RBM20: variants seen among roughly 807,000 people sequenced by gnomAD.
RBM20 encodes the protein RNA binding motif protein 20, also known as RNA-binding protein 20.
In RBM20, 51 loss-of-function variants were observed where a neutral mutation model predicts 110.1. That is an observed-to-expected ratio of 0.46 (90% CI 0.37 to 0.59). The LOEUF (loss-of-function observed/expected upper bound fraction) is 0.59. Among genes scored for constraint, RBM20 ranks in the 20% least tolerant of loss-of-function variants. RBM20 has a pLI of 0.00. For missense variants in RBM20, 1,512 were observed against 1,574.9 expected (o/e 0.96, Z 0.68); for synonymous variants, 589 against 618.2 (o/e 0.95, Z 0.70).
rs79948769 is a variant in RBM20 at position 110,798,850 on chromosome 10, A to G, written c.1669-937A>G. 4.7e-3 allele frequency among the ~76,000 whole-genome samples: 719 copies of G among 152,312 alleles called. 4 individuals are homozygous for G. Among genetic ancestry groups the G allele is most frequent in the African/African-American group, 0.017 (691 of 41,554 alleles). On this transcript the variant is annotated intron_variant, in intron 6 of 13. Transcript: ENST00000369519. ...GAGGAATCAGGATCAGTATATTGTC[A>G]GTATAGTACAAACCAAACAAATCCA...
intron 7 of RBM20, among the ~76,000 whole-genome samples, chr10:110,801,451 T>C (rs997807124): frequency 2.0e-5 from 3 of 152,002 alleles, no homozygotes; most frequent in African/African-American, 4.8e-5. Flanking sequence ...AAGTTTTCAA[T>C]GGTCCACATT....
At chr10:110,710,555 C>A (rs1862910205) in intron 1 of RBM20, among the ~76,000 whole-genome samples, 1 of 152,236 alleles carries the variant, frequency 6.6e-6, no homozygotes, top group Non-Finnish European at 1.5e-5. Context: ...AGTTAAACTC[C>A]CAGCCCCAGT....
intron 1 of RBM20, among the ~76,000 whole-genome samples, chr10:110,713,171 C>G (rs553123486): frequency 1.3e-5 from 2 of 152,258 alleles, no homozygotes; most frequent in Non-Finnish European, 2.9e-5. Flanking sequence ...GGGGCAGATG[C>G]AGAGAAGTGG....
chr10:110,712,588 G>A lies in RBM20; in HGVS notation c.191+67943G>A, dbSNP rs575808917. ...TTGAGACCAGCCTGGCCAAAATGGT[G>A]AAACCCCATCTCTACCAAAAATACA... On this transcript the variant is annotated intron_variant, in intron 1 of 13. Coordinates refer to ENST00000369519, the MANE Select transcript of RBM20 (RefSeq NM_001134363.3). 2.0e-5 allele frequency among the ~76,000 whole-genome samples: 3 copies of A among 152,292 alleles called. No individual in the cohort carries two copies. In the South Asian group the frequency reaches 6.2e-4, roughly 32 times the overall value.
At chr10:110,826,792 G>A (rs1388562747) in intron 12 of RBM20, among the ~76,000 whole-genome samples, 2 of 152,010 alleles carry the variant, frequency 1.3e-5, no homozygotes, top group African/African-American at 2.4e-5. Context: ...CACCATGTTG[G>A]CCTTGAACTG....
At chr10:110,796,414 T>G (rs1371966246) in intron 5 of RBM20, among the ~76,000 whole-genome samples, 1 of 152,260 alleles carries the variant, frequency 6.6e-6, no homozygotes, top group African/African-American at 2.4e-5. Flanking sequence ...TTTTTTCATA[T>G]ATTTTTGTTT....
chr10:110,685,038 G>T (rs925280530), intron 1 of RBM20, among the ~76,000 whole-genome samples: 1 of 152,190 alleles, frequency 6.6e-6, no homozygotes, highest in African/African-American at 2.4e-5. Flanking sequence ...CCTGAATTGC[G>T]GTAGAGAGTG....
intron 1 of RBM20, chr10:110,761,097 CAA>C (rs201013581): frequency 0.047 from 3,559 of 76,526 alleles, 54 homozygotes; most frequent in East Asian, 0.12. Context: ...GACTCCATCT[CAA>C]AAAAAAAAAA....
chr10:110,727,120 A>C (rs1344019178), intron 1 of RBM20, among the ~76,000 whole-genome samples: 3 of 141,050 alleles, frequency 2.1e-5, no homozygotes, highest in Non-Finnish European at 3.0e-5. Context: ...TTAGGATTAC[A>C]GGCGTGAGTC....
At chr10:110,797,257 G>A (rs1210543980) in intron 5 of RBM20, among the ~76,000 whole-genome samples, 1 of 152,078 alleles carries the variant, frequency 6.6e-6, no homozygotes, top group East Asian at 1.9e-4. Flanking sequence ...GCACCACTGC[G>A]CTCTAGCCTG....
chr10:110,743,213 G>C (rs974621015), intron 1 of RBM20, among the ~76,000 whole-genome samples: 1 of 152,200 alleles, frequency 6.6e-6, no homozygotes, highest in Non-Finnish European at 1.5e-5. Flanking sequence ...AAAGGCTTAT[G>C]AGCTTAGAGG....
intron 1 of RBM20, among the ~76,000 whole-genome samples, chr10:110,702,624 T>C (rs1464072863): frequency 6.6e-6 from 1 of 152,206 alleles, no homozygotes; most frequent in East Asian, 1.9e-4. Context: ...CCCCTGGGTG[T>C]TGGGAACCTT....
intron 1 of RBM20, among the ~76,000 whole-genome samples, chr10:110,693,355 G>T (rs996591514): frequency 6.6e-6 from 1 of 152,138 alleles, no homozygotes; most frequent in African/African-American, 2.4e-5. Context: ...TTCTTTAAAT[G>T]TTTGGTAGAA....
rs77105328 is a variant in RBM20 at position 110,698,987 on chromosome 10, C to T, written c.191+54342C>T. Among the ~76,000 whole-genome samples, 3 of 152,280 alleles carry T rather than the reference C, an allele frequency of 2.0e-5. 1 individual carries two copies. In the East Asian group the frequency reaches 5.8e-4, roughly 29 times the overall value. Reference sequence around the variant, plus strand: ...TATATGTCACTTGGTGTGCAAGCTTCCAAGAACTACTTGGCTTCCTGACAG... The same window carrying T: ...TATATGTCACTTGGTGTGCAAGCTTTCAAGAACTACTTGGCTTCCTGACAG... On this transcript the variant is annotated intron_variant, in intron 1 of 13. Transcript: ENST00000369519.
chr10:110,764,420 G>A (rs1040007267), intron 1 of RBM20, among the ~76,000 whole-genome samples: 2 of 152,218 alleles, frequency 1.3e-5, no homozygotes, highest in African/African-American at 4.8e-5. Flanking sequence ...AGTGCTCTCA[G>A]GAGACCTGTC....
rs1199742547 is a variant in RBM20, at chr10:110,710,244, G to A, written c.191+65599G>A. ...CTTTGTATTTGAGGTGGGTTTTCGC[G>A]CAACAAGCTGGTGGTCATGCTGAAC... On this transcript the variant is annotated intron_variant, in intron 1 of 13. Coordinates refer to ENST00000369519, the MANE Select transcript of RBM20 (RefSeq NM_001134363.3). 3.9e-5 allele frequency among the ~76,000 whole-genome samples: 6 copies of A among 152,160 alleles called. No individual in the cohort carries two copies. In the South Asian group the frequency reaches 8.3e-4, roughly 21 times the overall value.
In RBM20 at chr10:110,819,643, G is replaced by T. The variant is rs75028078; in HGVS notation, c.2551-429G>T. ...CTGACTGTGCCCTTTCTACCTATAAGTGTCCTGAATGATTTTTTTCATAGC... is the reference window on the plus strand; with the variant it reads ...CTGACTGTGCCCTTTCTACCTATAATTGTCCTGAATGATTTTTTTCATAGC... On this transcript the variant is annotated intron_variant, in intron 9 of 13. Coordinates refer to ENST00000369519, the MANE Select transcript of RBM20 (RefSeq NM_001134363.3). Among the ~76,000 whole-genome samples, 69 of 152,322 alleles carry T rather than the reference G, an allele frequency of 4.5e-4. 1 individual carries two copies. The East Asian group carries it at 0.012, about 27-fold the overall frequency.
chr10:110,783,521 G>T (rs888221788), intron 3 of RBM20, 94 bp downstream of exon 3: 40 of 996,132 alleles, frequency 4.0e-5, no homozygotes, highest in Middle Eastern at 2.5e-4. Context: ...GAGTCCTGGG[G>T]CAATAGCAGA....
chr10:110,681,226 C>G (rs548230718), intron 1 of RBM20, among the ~76,000 whole-genome samples: 30 of 152,330 alleles, frequency 2.0e-4, no homozygotes, highest in African/African-American at 7.0e-4. Flanking sequence ...CTGTCTCCCC[C>G]TGCTGTTAGA....
Sources: allele counts gnomAD v4.1 joint callset (sites outside exome capture counted in the v4.1 genomes callset), GRCh38; gene constraint gnomAD v4.1.1; transcripts MANE v1.5; gene names NCBI Gene and HGNC (gene_info 2026-07-23, HGNC 2026-07-21).